ZW10: variants seen among roughly 807,000 people sequenced by gnomAD.
ZW10 encodes the protein centromere/kinetochore protein zw10 homolog.
In ZW10, 53 loss-of-function variants were observed where a neutral mutation model predicts 87.8. That is an observed-to-expected ratio of 0.60 (90% CI 0.48 to 0.76). The LOEUF (loss-of-function observed/expected upper bound fraction) is 0.76, where lower values mean the gene tolerates loss of function less well. ZW10 is among the 30% of genes least tolerant of loss of function. ZW10 has a pLI of 0.00. For synonymous variants in ZW10, 312 were observed against 329.2 expected, an observed-to-expected ratio of 0.95 and a Z score of 0.57; for missense variants, 837 against 923.0, an observed-to-expected ratio of 0.91 and a Z score of 1.21.
intron 11 of ZW10, among the ~76,000 whole-genome samples, chr11:113,741,003 A>G (rs1011972554): frequency 2.6e-5 from 4 of 152,266 alleles, no homozygotes; most frequent in Non-Finnish European, 5.9e-5. Context: ...AAGAGAATAC[A>G]AATAAAACTA....
At chr11:113,773,413 A>C in intron 1 of ZW10, 149 bp downstream of exon 1, 1 of 627,510 alleles carries the variant, frequency 1.6e-6, no homozygotes, top group Non-Finnish European at 2.7e-6. Context: ...TCCACTCCTC[A>C]TTCAGCCCCC....
chr11:113,751,676 C>T (rs1953735845), intron 7 of ZW10, among the ~76,000 whole-genome samples: 2 of 152,076 alleles, frequency 1.3e-5, no homozygotes, highest in Admixed American at 1.3e-4. Flanking sequence ...AGTTCGAGAC[C>T]AGTCTGACCA....
chr11:113,761,583 A>G (rs1248478402), intron 2 of ZW10, among the ~76,000 whole-genome samples: 2 of 152,156 alleles, frequency 1.3e-5, no homozygotes, highest in Non-Finnish European at 2.9e-5. Context: ...ACCCTGTCAG[A>G]AAGATTTAAT....
At chr11:113,735,448 TCAAG>T (rs1490680457) in intron 15 of ZW10, among the ~76,000 whole-genome samples, 2 of 152,128 alleles carry the variant, frequency 1.3e-5, no homozygotes, top group Non-Finnish European at 2.9e-5. Flanking sequence ...TGATTTTTTT[TCAAG>T]CAGAGATCTC....
intron 11 of ZW10, among the ~76,000 whole-genome samples, chr11:113,741,365 A>T (rs1025925297): frequency 4.6e-5 from 7 of 152,328 alleles, no homozygotes; most frequent in Non-Finnish European, 1.0e-4. Context: ...AAACATCTAA[A>T]CATTTTAATT....
At chr11:113,747,791 A>AT (rs1214511886) in intron 8 of ZW10, 78 bp from the exon 9 acceptor site, 1 of 1,266,284 alleles carries the variant, frequency 7.9e-7, no homozygotes, top group East Asian at 2.4e-5. Context: ...AATCCAATGT[A>AT]TAAAAAAATG....
intron 2 of ZW10, among the ~76,000 whole-genome samples, chr11:113,767,178 A>T (rs79825636): frequency 1.8e-5 from 1 of 54,418 alleles, no homozygotes; most frequent in South Asian, 5.2e-4. Context: ...TACGATGATT[A>T]AAAAAAAAAA....
At chr11:113,733,904 T>C in intron 15 of ZW10, 90 bp from the exon 16 acceptor site, 1 of 1,437,004 alleles carries the variant, frequency 7.0e-7, no homozygotes, top group South Asian at 1.4e-5. Context: ...CAAATGCTTA[T>C]TTGCTTGAAA....
chr11:113,765,469 C>T (rs1348741306), intron 2 of ZW10, among the ~76,000 whole-genome samples: 1 of 152,188 alleles, frequency 6.6e-6, no homozygotes, highest in African/African-American at 2.4e-5. Flanking sequence ...AGAAAATAGA[C>T]GTGCCCCCTA....
chr11:113,736,121 A>G (rs746835797), intron 15 of ZW10, among the ~76,000 whole-genome samples: 17 of 152,094 alleles, frequency 1.1e-4, no homozygotes, highest in Non-Finnish European at 2.2e-4. Flanking sequence ...ATAAAATAAA[A>G]TAAATTAGCC....
chr11:113,752,627 G>T (rs909457352), intron 7 of ZW10, among the ~76,000 whole-genome samples: 1 of 152,120 alleles, frequency 6.6e-6, no homozygotes, highest in Non-Finnish European at 1.5e-5. Context: ...GTTTTGAGAT[G>T]CCATGAACCA....
chr11:113,773,526 C>A (rs1351870516), intron 1 of ZW10, 36 bp downstream of exon 1: 2 of 1,579,120 alleles, frequency 1.3e-6, no homozygotes, highest in Non-Finnish European at 1.7e-6. Flanking sequence ...GACCCGGAGT[C>A]CCCTTCCAGT....
chr11:113,758,619 G>T lies in ZW10; in HGVS notation c.668C>A (p.Pro223His), dbSNP rs1220240670. ...AAATGCCAAGAGGACAGAACTGATG[G>T]GTGGCATAGGGGTCTTCTCCTCTTT... is the stretch of plus-strand genomic sequence containing the variant. ...SHKEEKTPMPPISSVLLAFSV... is the reference protein window; with the variant it reads ...SHKEEKTPMPHISSVLLAFSV... The change falls in exon 6 of 16, where the codon CCC (proline) becomes CAC (histidine). Residue 223 changes from proline (P) to histidine (H), a missense_variant. Transcript: ENST00000200135. 6.2e-7 allele frequency: 1 copy of T among 1,613,836 alleles called. No individual in the cohort carries two copies. The highest frequency in any genetic ancestry group is 8.5e-7 in the Non-Finnish European group (1 of 1,179,912).
chr11:113,757,819 C>T lies in ZW10; in HGVS notation c.768G>A (p.Leu256=), dbSNP rs1953808192. The change falls in exon 7 of 16, where the codon CTG becomes CTA. Residue 256 remains leucine (L), a synonymous_variant. Transcript: ENST00000200135. ...QMLLKYILRP[L]ASCPSLHAVI... ...CAGCATGAAGGGATGGGCAAGATGC[C>T]AGCGGCCTAAGGATATACTTCAGCA... 1.2e-6 allele frequency: 2 copies of T among 1,611,736 alleles called. No individual in the cohort carries two copies. The highest frequency in any genetic ancestry group is 1.7e-5 in the Admixed American group (1 of 59,698).
chr11:113,740,827 T>G (rs1953607506), intron 11 of ZW10, among the ~76,000 whole-genome samples: 1 of 152,224 alleles, frequency 6.6e-6, no homozygotes, highest in Non-Finnish European at 1.5e-5. Context: ...GTGATTCTGA[T>G]GCACACTAAA....
chr11:113,736,438 G>A (rs1379874142), intron 15 of ZW10, among the ~76,000 whole-genome samples, 182 bp downstream of exon 15: 3 of 152,248 alleles, frequency 2.0e-5, no homozygotes, highest in African/African-American at 4.8e-5. Flanking sequence ...TATCAAATAT[G>A]GGAAAGTGGT....
chr11:113,762,618 A>G (rs1953873857), intron 2 of ZW10, among the ~76,000 whole-genome samples: 1 of 151,950 alleles, frequency 6.6e-6, no homozygotes, highest in Non-Finnish European at 1.5e-5. Flanking sequence ...CCCAGGTTCA[A>G]GCAATTCTCC....
intron 15 of ZW10, 141 bp from the exon 16 acceptor site, chr11:113,733,955 T>C: frequency 3.0e-6 from 3 of 1,011,040 alleles, no homozygotes; most frequent in Non-Finnish European, 1.4e-6. Context: ...CTCTTCTTTA[T>C]AGAACTGCCC....
intron 2 of ZW10, among the ~76,000 whole-genome samples, chr11:113,766,707 T>TA (rs1953910892): frequency 7.0e-5 from 6 of 85,878 alleles, no homozygotes; most frequent in South Asian, 3.9e-4. Flanking sequence ...AATTAATTTT[T>TA]AAAAATTAAA....
Sources: gnomAD v4.1 joint callset for allele counts (sites outside exome capture counted in the v4.1 genomes callset) on GRCh38, gnomAD v4.1.1 for gene constraint, MANE v1.5 for transcripts, NCBI Gene and HGNC (gene_info 2026-07-23, HGNC 2026-07-21) for gene names.